Variants in ANO2 observed in about 807,000 individuals in gnomAD.
ANO2 encodes the protein anoctamin 2, also known as anoctamin-2.
In ANO2, 101 loss-of-function variants were observed where a neutral mutation model predicts 124.2. That is an observed-to-expected ratio of 0.81 (90% confidence interval 0.69 to 0.96). The LOEUF (loss-of-function observed/expected upper bound fraction) is 0.96, where lower values mean the gene tolerates loss of function less well. Among genes scored for constraint, ANO2 ranks in the 40% least tolerant of loss-of-function variants. The pLI, the probability that ANO2 is intolerant of heterozygous loss-of-function variation, is 0.00. For synonymous variants in ANO2, 486 were observed against 482.5 expected, an observed-to-expected ratio of 1.01 and a Z score of -0.09; for missense variants, 1,293 against 1,274.5, an observed-to-expected ratio of 1.01 and a Z score of -0.22.
intron 11 of ANO2, among the ~76,000 whole-genome samples, chr12:5,745,001 G>C (rs1951225140): frequency 6.6e-6 from 1 of 152,222 alleles, no homozygotes; most frequent in African/African-American, 2.4e-5. Flanking sequence ...ATTCTTCCAA[G>C]ATCTAGATTC....
At chr12:5,927,805 C>T (rs1218230368) in intron 1 of ANO2, among the ~76,000 whole-genome samples, 1 of 152,196 alleles carries the variant, frequency 6.6e-6, no homozygotes, top group African/African-American at 2.4e-5. Context: ...GGCTGAGAGG[C>T]AGAAGTTCTG....
chr12:5,819,724 G>C (rs1207303477), intron 7 of ANO2, among the ~76,000 whole-genome samples: 1 of 152,202 alleles, frequency 6.6e-6, no homozygotes, highest in Admixed American at 6.5e-5. Flanking sequence ...GGCAGCACCT[G>C]CATCTTTGAA....
At chr12:5,796,198 TAC>T (rs1170006193) in intron 10 of ANO2, among the ~76,000 whole-genome samples, 1 of 148,260 alleles carries the variant, frequency 6.7e-6, no homozygotes, top group Admixed American at 6.7e-5. Flanking sequence ...CTCTCTCACA[TAC>T]ACTCACACTC....
chr12:5,945,450 C>G (rs893743234), upstream of ANO2, among the ~76,000 whole-genome samples: 2 of 152,192 alleles, frequency 1.3e-5, no homozygotes, highest in South Asian at 2.1e-4. Context: ...GAGAATGGAG[C>G]GCGGTCCCGC....
intron 7 of ANO2, among the ~76,000 whole-genome samples, chr12:5,826,609 A>G (rs1430864875): frequency 6.6e-6 from 1 of 152,090 alleles, no homozygotes; most frequent in African/African-American, 2.4e-5. Flanking sequence ...TAAAAAGTGC[A>G]TTGTTATTTG....
At chr12:5,615,135 C>T (rs776155135) in intron 17 of ANO2, 51 bp downstream of exon 17, 89 of 1,478,832 alleles carry the variant, frequency 6.0e-5, no homozygotes, top group South Asian at 2.8e-4. Flanking sequence ...CAGTAGAGAA[C>T]CCAGTCTTAG....
At chr12:5,755,837 C>T (rs746247746) in intron 10 of ANO2, among the ~76,000 whole-genome samples, 2 of 152,284 alleles carry the variant, frequency 1.3e-5, no homozygotes, top group South Asian at 2.1e-4. Context: ...GTGTTAACCT[C>T]TTTGGGTTCA....
Position 5,635,188 on chromosome 12 carries a change from T to A in ANO2, c.1780A>T (p.Ile594Phe), listed in dbSNP as rs1945940739. 2.5e-6 allele frequency: 4 copies of A among 1,601,884 alleles called. No homozygotes were observed. The highest frequency in any genetic ancestry group is 3.4e-6 in the Non-Finnish European group (4 of 1,175,952). ...AGCCACTTGGCCACAGCGCCGTAGA[T>A]CTCGTCCAGGATGAGGATGACCACG... Reference protein sequence around the residue: ...NLVVILILDEIYGAVAKWLTK... With the variant: ...NLVVILILDEFYGAVAKWLTK... Residue 594 changes from isoleucine (I) to phenylalanine (F), a missense_variant, in exon 16 of 25, where the codon ATC becomes TTC. Ile to Phe is a conservative substitution (Grantham distance 21). Transcript: ENST00000682330. This position sits in a 1 kb window ranked among gnomAD's most constrained non-coding sequence, Gnocchi z 5.2.
At chr12:5,945,530 C>T (rs1262895873), upstream of ANO2, among the ~76,000 whole-genome samples, 1 of 152,244 alleles carries the variant, frequency 6.6e-6, no homozygotes, top group South Asian at 2.1e-4. Context: ...GCTCCCTGCT[C>T]CCCCAGAGCC....
intron 13 of ANO2, among the ~76,000 whole-genome samples, chr12:5,735,954 A>T (rs1413935363): frequency 6.6e-6 from 1 of 152,230 alleles, no homozygotes; most frequent in Non-Finnish European, 1.5e-5. Context: ...TGTTCAGATA[A>T]GGCCACACTC....
intron 1 of ANO2, among the ~76,000 whole-genome samples, chr12:5,935,564 A>G (rs1942611933): frequency 6.6e-6 from 1 of 152,238 alleles, no homozygotes; most frequent in South Asian, 2.1e-4. Flanking sequence ...TCATTTGAGC[A>G]TCTGTGAAAT....
chr12:5,583,156 C>T (rs1316836462), intron 20 of ANO2, among the ~76,000 whole-genome samples: 1 of 152,190 alleles, frequency 6.6e-6, no homozygotes, highest in Non-Finnish European at 1.5e-5. Context: ...AACACACACA[C>T]ACATACAAGG....
intron 10 of ANO2, among the ~76,000 whole-genome samples, chr12:5,754,109 GTTCT>G (rs146455460): frequency 5.3e-4 from 80 of 152,248 alleles, no homozygotes; most frequent in Admixed American, 4.6e-4. Context: ...TGAGCTGTAA[GTTCT>G]TTCTATTTTT....
rs1260151345 is a variant in ANO2, at chr12:5,925,316, G to A, written c.23-2512C>T. On this transcript the variant is annotated intron_variant, in intron 1 of 24. Transcript: ENST00000682330. This position sits in a 1 kb window ranked among gnomAD's most constrained non-coding sequence, Gnocchi z 4.6. ...CCTAAAGGTGCCACCTGGAGTTTGA[G>A]GCTGACATTCAGGGCCCTCACTAGC... 6.6e-6 allele frequency among the ~76,000 whole-genome samples: 1 copy of A among 152,200 alleles called. No individual in the cohort carries two copies. Among genetic ancestry groups the A allele is most frequent in the Non-Finnish European group, 1.5e-5 (1 of 68,028 alleles).
chr12:5,770,967 G>A (rs1952060627), intron 10 of ANO2, among the ~76,000 whole-genome samples: 1 of 152,072 alleles, frequency 6.6e-6, no homozygotes, highest in South Asian at 2.1e-4. Context: ...GGCCTTCTGT[G>A]ATCACCCCAT....
chr12:5,806,191 C>G, intron 8 of ANO2, 98 bp from the exon 9 acceptor site: 4 of 1,263,738 alleles, frequency 3.2e-6, no homozygotes, highest in Non-Finnish European at 4.4e-6. Flanking sequence ...AATATCATTG[C>G]TTTTTTTTCA....
intron 9 of ANO2, 43 bp downstream of exon 9, chr12:5,806,009 C>A: frequency 6.2e-7 from 1 of 1,601,694 alleles, no homozygotes; most frequent in Non-Finnish European, 8.5e-7. Flanking sequence ...CACCCGTAGT[C>A]TCGCATGCCC....
chr12:5,579,313 T>G (rs964490856), intron 20 of ANO2, among the ~76,000 whole-genome samples: 3 of 152,170 alleles, frequency 2.0e-5, no homozygotes, highest in African/African-American at 4.8e-5. Flanking sequence ...AAGAATGTAC[T>G]AGTGATAGAG....
At chr12:5,815,127 A>C (rs12423109) in intron 7 of ANO2, among the ~76,000 whole-genome samples, 1,991 of 152,346 alleles carry the variant, frequency 0.013, 40 homozygotes, top group Admixed American at 0.049. Flanking sequence ...GAAAAAAATA[A>C]ATGAGCAGCT....
Sources: gnomAD v4.1 joint callset for allele counts (sites outside exome capture counted in the v4.1 genomes callset) on GRCh38, gnomAD v4.1.1 for gene constraint, Gnocchi (gnomAD v3.1) non-coding constraint, MANE v1.5 for transcripts, NCBI Gene and HGNC (gene_info 2026-07-23, HGNC 2026-07-21) for gene names.